SETBP1: variants seen among roughly 807,000 people sequenced by gnomAD.
SETBP1 encodes the protein SET binding protein 1, also known as SET-binding protein.
Under a neutral mutation model 101.0 loss-of-function variants are expected in SETBP1, and 9 were observed. That is an observed-to-expected ratio of 0.09 (90% CI 0.05 to 0.16). The LOEUF (loss-of-function observed/expected upper bound fraction) is 0.16, where lower values mean the gene tolerates loss of function less well. Among genes scored for constraint, SETBP1 ranks in the 10% least tolerant of loss-of-function variants. SETBP1 has a pLI of 1.00. For synonymous variants in SETBP1, 818 were observed against 788.5 expected (o/e 1.04, Z -0.63); for missense variants, 1,858 against 2,033.8 (o/e 0.91, Z 1.66).
chr18:45,039,892 C>A (rs2073475184), intron 5 of SETBP1, among the ~76,000 whole-genome samples: 1 of 152,166 alleles, frequency 6.6e-6, no homozygotes, highest in Non-Finnish European at 1.5e-5. Context: ...CAATTGAATT[C>A]AGCAAAATAC....
At chr18:44,710,509 T>C (rs1389711009) in intron 2 of SETBP1, among the ~76,000 whole-genome samples, 2 of 133,448 alleles carry the variant, frequency 1.5e-5, no homozygotes, top group African/African-American at 2.9e-5. Flanking sequence ...TGGAGTTCAA[T>C]GGCAGGTTTT....
chr18:44,867,558 G>A (rs1299024164), intron 2 of SETBP1, among the ~76,000 whole-genome samples: 1 of 152,186 alleles, frequency 6.6e-6, no homozygotes, highest in Non-Finnish European at 1.5e-5. Context: ...GTTCCTTTAA[G>A]GCAGGGACAA....
At chr18:44,985,027 GC>G (rs539384346) in intron 4 of SETBP1, among the ~76,000 whole-genome samples, 2 of 152,120 alleles carry the variant, frequency 1.3e-5, no homozygotes, top group South Asian at 4.2e-4. Context: ...TATAATCCCA[GC>G]TACTCGGGAG....
chr18:44,946,458 T>C (rs2071209984), intron 3 of SETBP1, among the ~76,000 whole-genome samples: 1 of 152,188 alleles, frequency 6.6e-6, no homozygotes, highest in Non-Finnish European at 1.5e-5. Flanking sequence ...AATTGAAAAG[T>C]GAAACAATTA....
At chr18:44,824,869 G>T (rs866988507) in intron 2 of SETBP1, among the ~76,000 whole-genome samples, 2 of 152,212 alleles carry the variant, frequency 1.3e-5, no homozygotes, top group Admixed American at 1.3e-4. Context: ...AAGTAGGTAA[G>T]GGAGGGAAAT....
chr18:44,683,294 GGT>G (rs1457591337), intron 1 of SETBP1, among the ~76,000 whole-genome samples: 1 of 152,182 alleles, frequency 6.6e-6, no homozygotes, highest in Non-Finnish European at 1.5e-5. Flanking sequence ...AAGGGCTTCT[GGT>G]CATGGACTTG....
chr18:44,982,415 A>T (rs182422662), intron 4 of SETBP1, among the ~76,000 whole-genome samples: 1 of 152,304 alleles, frequency 6.6e-6, no homozygotes, highest in African/African-American at 2.4e-5. Flanking sequence ...TGTGATTATT[A>T]TATCATTTAG....
At chr18:44,808,806 T>C (rs1368190062) in intron 2 of SETBP1, among the ~76,000 whole-genome samples, 8 of 152,138 alleles carry the variant, frequency 5.3e-5, no homozygotes, top group African/African-American at 1.9e-4. Flanking sequence ...CAAGGAAGAC[T>C]TACAAAACAA....
intron 5 of SETBP1, among the ~76,000 whole-genome samples, chr18:45,058,379 C>G (rs528925814): frequency 1.3e-5 from 2 of 152,210 alleles, no homozygotes; most frequent in East Asian, 3.8e-4. Flanking sequence ...CTCCTCCCCC[C>G]ACACTAAGAT....
chr18:45,018,854 C>T (rs780119844), intron 4 of SETBP1, among the ~76,000 whole-genome samples: 2 of 152,176 alleles, frequency 1.3e-5, no homozygotes, highest in Non-Finnish European at 2.9e-5. Context: ...CTCATGCTCC[C>T]TGCAAGGTCA....
At chr18:44,705,830 G>T (rs911357126) in intron 2 of SETBP1, among the ~76,000 whole-genome samples, 1 of 152,198 alleles carries the variant, frequency 6.6e-6, no homozygotes, top group Non-Finnish European at 1.5e-5. Flanking sequence ...ACTGGAGAAG[G>T]ATTATAGATC....
chr18:45,059,454 C>T (rs908969270), intron 5 of SETBP1, among the ~76,000 whole-genome samples: 3 of 152,088 alleles, frequency 2.0e-5, no homozygotes, highest in Non-Finnish European at 2.9e-5. Flanking sequence ...CAAATAAGGT[C>T]CTTTATCTCT....
rs1028478120 is a variant in SETBP1 at position 44,949,759 on chromosome 18, G to A, written c.541-122G>A. The A allele has an allele frequency of 2.4e-5, 19 of 794,984 alleles. No homozygotes were observed. In the East Asian group the frequency reaches 2.4e-4, roughly 10 times the overall value. The allele number at this position is 794,984 out of a possible 1,614,324, so 49.2% of individuals were successfully genotyped here. A position where few individuals can be genotyped will look rare whatever the true frequency, so the allele number is the denominator to read the frequency against. ...AAAATTAAAGGTGGCTGTTCATTTC[G>A]GTATTCATTTCCAACTTTCAGATCA... On this transcript the variant is annotated intron_variant, in intron 3 of 5. Transcript: ENST00000649279.
chr18:44,917,168 G>C (rs1218488459), intron 3 of SETBP1, among the ~76,000 whole-genome samples: 1 of 152,238 alleles, frequency 6.6e-6, no homozygotes, highest in East Asian at 1.9e-4. Context: ...TCAACCTTCT[G>C]TGTGGGATAG....
chr18:44,828,230 G>GA (rs2144431403), intron 2 of SETBP1, among the ~76,000 whole-genome samples: 1 of 152,128 alleles, frequency 6.6e-6, no homozygotes, highest in South Asian at 2.1e-4. Flanking sequence ...TTCTTGACAG[G>GA]GCCCCAGGGA....
intron 2 of SETBP1, among the ~76,000 whole-genome samples, chr18:44,703,348 G>GTGTTTTTTTTT (rs2069151172): frequency 1.9e-5 from 1 of 51,446 alleles, no homozygotes; most frequent in African/African-American, 7.2e-5. Context: ...TTACCATTAG[G>GTGTTTTTTTTT]TTTTTTTTTT....
intron 4 of SETBP1, among the ~76,000 whole-genome samples, chr18:44,954,675 T>C (rs763028961): frequency 2.0e-5 from 3 of 152,214 alleles, no homozygotes; most frequent in Non-Finnish European, 4.4e-5. Context: ...CCTTGGTTAA[T>C]GAAGAAACCA....
chr18:44,701,260 A>T lies in SETBP1; in HGVS notation c.-87A>T. The T allele has an allele frequency of 7.0e-7, 1 of 1,420,688 alleles. No homozygotes were observed. The highest frequency in any genetic ancestry group is 9.3e-7 in the Non-Finnish European group (1 of 1,075,386). The allele number at this position is 1,420,688 out of a possible 1,614,324, so 88.0% of individuals were successfully genotyped here. A position where few individuals can be genotyped will look rare whatever the true frequency, so the allele number is the denominator to read the frequency against. On this transcript the variant is annotated 5_prime_UTR_variant, in exon 2 of 6. Transcript: ENST00000649279. ...AGCAACTGGACCACTTTGTTCTTGG[A>T]ATTTTGGGTGTCCTCTTTTCTCACC...
chr18:44,735,732 C>T (rs1568116569), intron 2 of SETBP1, among the ~76,000 whole-genome samples: 1 of 152,158 alleles, frequency 6.6e-6, no homozygotes, highest in Non-Finnish European at 1.5e-5. Flanking sequence ...ATGCATTCCC[C>T]TTCCTGTCTC....
Sources: gnomAD v4.1 joint callset for allele counts (sites outside exome capture counted in the v4.1 genomes callset) on GRCh38, gnomAD v4.1.1 for gene constraint, MANE v1.5 for transcripts, NCBI Gene and HGNC (gene_info 2026-07-23, HGNC 2026-07-21) for gene names.